The following TTLL12 variants were observed in gnomAD, a reference collection of about 807,000 sequenced individuals.
TTLL12 encodes tubulin tyrosine ligase like 12, also known as tubulin--tyrosine ligase-like protein 12.
In TTLL12, 77 loss-of-function variants were observed where a neutral mutation model predicts 79.6. The ratio of observed to expected loss-of-function variants is 0.97; its 90% confidence interval spans 0.81 to 1.17. The LOEUF (loss-of-function observed/expected upper bound fraction) is 1.17. TTLL12 is among the 50% of genes most tolerant of loss of function. The pLI, the probability that TTLL12 is intolerant of heterozygous loss-of-function variation, is 0.00. For synonymous variants in TTLL12, 437 were observed against 376.1 expected, an observed-to-expected ratio of 1.16 and a Z score of -1.87; for missense variants, 969 against 895.9, an observed-to-expected ratio of 1.08 and a Z score of -1.04.
intron 4 of TTLL12, 32 bp from the exon 5 acceptor site, chr22:43,179,784 G>C (rs1337796772): frequency 1.9e-6 from 3 of 1,549,990 alleles, no homozygotes; most frequent in African/African-American, 2.7e-5. Context: ...CATCAGAGGG[G>C]GTGACGGGAC....
chr22:43,174,832 G>C (rs1237286768), intron 6 of TTLL12, among the ~76,000 whole-genome samples: 1 of 152,190 alleles, frequency 6.6e-6, no homozygotes, highest in African/African-American at 2.4e-5. Flanking sequence ...GTGACCCCTG[G>C]TTCCCCATCC....
In TTLL12 at chr22:43,167,741, A is replaced by G; in HGVS notation, c.*267T>C. On this transcript the variant is annotated 3_prime_UTR_variant, in exon 14 of 14. Transcript: ENST00000216129. Reference sequence around the variant, plus strand: ...CTAAACTGGAGACTCATCAGTGCACAGATGGTGGTGAGGGGTGAGGGCAGG... The same window carrying G: ...CTAAACTGGAGACTCATCAGTGCACGGATGGTGGTGAGGGGTGAGGGCAGG... 2 of 393,560 alleles carry G rather than the reference A, an allele frequency of 5.1e-6. No homozygotes were observed. Among genetic ancestry groups the G allele is most frequent in the Non-Finnish European group, 9.3e-6 (2 of 214,814 alleles). The allele number at this position is 393,560 out of a possible 1,614,324, so 24.4% of individuals were successfully genotyped here.
chr22:43,167,203 G>A lies in TTLL12; in HGVS notation c.*805C>T, dbSNP rs199986176. On this transcript the variant is annotated 3_prime_UTR_variant, in exon 14 of 14. Coordinates refer to ENST00000216129, the MANE Select transcript of TTLL12 (RefSeq NM_015140.4). Reference sequence around the variant, plus strand: ...CCCACAATCAGCCCCAGCCCCAGGCGCCCCTTGCCGAAGGATCCTGGCCCA... The same window carrying A: ...CCCACAATCAGCCCCAGCCCCAGGCACCCCTTGCCGAAGGATCCTGGCCCA... 1.6e-3 allele frequency: 837 copies of A among 531,740 alleles called. 17 individuals carry two copies. In the Middle Eastern group the frequency reaches 0.062, roughly 39 times the overall value. 32.9% of individuals were successfully genotyped at this position (531,740 alleles called of 1,614,324 possible).
intron 11 of TTLL12, 176 bp downstream of exon 11, chr22:43,171,643 A>G: frequency 1.7e-6 from 1 of 581,466 alleles, no homozygotes; most frequent in Admixed American, 2.9e-5. Flanking sequence ...ACAACACAGA[A>G]CCCAGCCTGG....
chr22:43,176,980 G>C (rs902734542), intron 5 of TTLL12, among the ~76,000 whole-genome samples: 9 of 152,142 alleles, frequency 5.9e-5, no homozygotes, highest in African/African-American at 2.2e-4. Flanking sequence ...CAAAATCGCA[G>C]GGGGCGAGAA....
At chr22:43,177,395 TAA>T (rs1285151278) in intron 5 of TTLL12, among the ~76,000 whole-genome samples, 6 of 152,012 alleles carry the variant, frequency 3.9e-5, no homozygotes, top group Non-Finnish European at 8.8e-5. Flanking sequence ...AAAAAAAGAT[TAA>T]AACATGCCTA....
chr22:43,181,747 G>A (rs1932062093), intron 2 of TTLL12, among the ~76,000 whole-genome samples: 1 of 152,224 alleles, frequency 6.6e-6, no homozygotes, highest in African/African-American at 2.4e-5. Context: ...CAGTGTTCCA[G>A]TTCTTAGGCT....
In TTLL12 at chr22:43,178,483, A is replaced by G. The variant is rs543066467; in HGVS notation, c.840+1136T>C. 1.2e-4 allele frequency among the ~76,000 whole-genome samples: 18 copies of G among 152,034 alleles called. 1 individual carries two copies. The South Asian group carries it at 2.9e-3, about 25-fold the overall frequency. On this transcript the variant is annotated intron_variant, in intron 5 of 13. Transcript: ENST00000216129. ...ACTACAGGTGCCCGCCACCACGCCC[A>G]GCTAATTTTTTATATTTTTAGTAGA...
intron 5 of TTLL12, among the ~76,000 whole-genome samples, chr22:43,177,533 G>T (rs1189492551): frequency 6.6e-6 from 1 of 152,198 alleles, no homozygotes; most frequent in Admixed American, 6.5e-5. Context: ...CTGCAACAAG[G>T]CCATGAAGCC....
intron 11 of TTLL12, chr22:43,169,895 A>C (rs1312564998): frequency 2.1e-6 from 1 of 474,114 alleles, no homozygotes; most frequent in East Asian, 6.3e-5. Context: ...AGGGCTCCAG[A>C]AACTGCAGGG....
chr22:43,183,654 C>A (rs1932113405), intron 1 of TTLL12, among the ~76,000 whole-genome samples: 1 of 152,236 alleles, frequency 6.6e-6, no homozygotes, highest in African/African-American at 2.4e-5. Flanking sequence ...CAGCCCAGCC[C>A]CACCCAATCC....
At chr22:43,169,746 G>C (rs1931717494) in intron 11 of TTLL12, 178 bp from the exon 12 acceptor site, 1 of 687,838 alleles carries the variant, frequency 1.5e-6, no homozygotes, top group African/African-American at 1.8e-5. Flanking sequence ...CTGGGCTCCA[G>C]GTCTTACTGT....
intron 6 of TTLL12, among the ~76,000 whole-genome samples, chr22:43,176,104 G>A (rs1055566555): frequency 6.6e-6 from 1 of 151,540 alleles, no homozygotes; most frequent in East Asian, 1.9e-4. Context: ...AAAATCTCCA[G>A]AAAGCCCTGC....
chr22:43,176,232 A>T, intron 6 of TTLL12, 88 bp downstream of exon 6: 2 of 992,040 alleles, frequency 2.0e-6, no homozygotes, highest in East Asian at 5.2e-5. Context: ...CGTGCCAAGC[A>T]CTGTTCTGGG....
rs757252060 is a variant in TTLL12 at position 43,168,157 on chromosome 22, T to G, written c.1786A>C (p.Arg596=). 1 of 1,613,904 alleles carries G rather than the reference T, an allele frequency of 6.2e-7. No individual in the cohort carries two copies. Among genetic ancestry groups the G allele is most frequent in the Admixed American group, 1.7e-5 (1 of 60,010 alleles). The part of the protein sequence containing the change: ...MLKWDNGPDG[R]RVMQPQILEV... ...AGGATCTGCGGCTGCATCACCCGCC[T>G]TCCTGATGGCAAAGAGCGCAGCAGA... Residue 596 remains arginine, a splice_region_variant and synonymous_variant, in exon 14 of 14, where the codon AGG becomes CGG. Transcript: ENST00000216129.
chr22:43,167,979 C>A lies in TTLL12; in HGVS notation c.*29G>T. 6.2e-7 allele frequency: 1 copy of A among 1,605,536 alleles called. No homozygotes were observed. The highest frequency in any genetic ancestry group is 8.5e-7 in the Non-Finnish European group (1 of 1,174,122). The stretch of plus-strand genomic sequence containing the variant: ...GAGAACTGAGGTTGGAATCCTGCCC[C>A]AAGCACAGGTTTTGGGGACAGCGAG... On this transcript the variant is annotated 3_prime_UTR_variant, in exon 14 of 14. Coordinates refer to ENST00000216129, the MANE Select transcript of TTLL12 (RefSeq NM_015140.4).
At chr22:43,186,742 A>G (rs1932194632) in intron 1 of TTLL12, 151 bp downstream of exon 1, 2 of 803,906 alleles carry the variant, frequency 2.5e-6, no homozygotes, top group African/African-American at 3.6e-5. Context: ...TCGGCCCCCA[A>G]CTCCACGCCG....
At chr22:43,173,566 A>G in intron 9 of TTLL12, 149 bp downstream of exon 9, 1 of 673,614 alleles carries the variant, frequency 1.5e-6, no homozygotes, top group Non-Finnish European at 2.4e-6. Context: ...ATCCTCCTCC[A>G]CTTCCCAGAG....
rs11090144 is a variant in TTLL12, at chr22:43,180,874, C to T, written c.414G>A (p.Val138=). 1 of 1,612,884 alleles carries T rather than the reference C, an allele frequency of 6.2e-7. No individual in the cohort carries two copies. Among genetic ancestry groups the T allele is most frequent in the East Asian group, 2.2e-5 (1 of 44,872 alleles). ...VEHARQQLQQ[V]PGLLHRMANL... ...TGGCCATGCGGTGCAGCAGCCCGGG[C>T]ACCTGCTGCAGCTGCTGGCGCGCGT... is the stretch of plus-strand genomic sequence containing the variant. Residue 138 remains valine, a synonymous_variant, in exon 3 of 14, where the codon GTG becomes GTA. Transcript: ENST00000216129.
Sources: gnomAD v4.1 joint callset for allele counts (sites outside exome capture counted in the v4.1 genomes callset) on GRCh38, gnomAD v4.1.1 for gene constraint, MANE v1.5 for transcripts, NCBI Gene and HGNC (gene_info 2026-07-23, HGNC 2026-07-21) for gene names.